OTOF: variants seen among roughly 807,000 people sequenced by gnomAD.
OTOF encodes the protein otoferlin.
A neutral mutation model predicts 236.8 loss-of-function variants in OTOF; 218 were observed. That is an observed-to-expected ratio of 0.92 (90% confidence interval 0.82 to 1.03). OTOF has a LOEUF of 1.03. OTOF is among the 50% of genes least tolerant of loss of function. The probability of loss-of-function intolerance (pLI) is 0.00; values close to 1 mark genes in which losing one functional copy is unlikely to be tolerated. For synonymous variants in OTOF, 1,041 were observed against 1,072.5 expected (o/e 0.97, Z 0.57); for missense variants, 2,590 against 2,694.4 (o/e 0.96, Z 0.86).
intron 9 of OTOF, among the ~76,000 whole-genome samples, chr2:26,493,361 C>T (rs1665894298): frequency 6.6e-6 from 1 of 152,134 alleles, no homozygotes; most frequent in African/African-American, 2.4e-5. Context: ...GCACCTCAGC[C>T]CTCACCCACC....
chr2:26,502,916 T>C (rs1306229941), intron 6 of OTOF, among the ~76,000 whole-genome samples: 2 of 152,230 alleles, frequency 1.3e-5, no homozygotes, highest in African/African-American at 2.4e-5. Context: ...AAACAGCTGA[T>C]GGAATTCAGA....
At chr2:26,528,012 A>C in intron 2 of OTOF, 92 bp from the exon 3 acceptor site, 1 of 886,848 alleles carries the variant, frequency 1.1e-6, no homozygotes, top group Non-Finnish European at 1.9e-6. Context: ...GATCTCCAAC[A>C]GTCAGAGTGG....
intron 40 of OTOF, 74 bp downstream of exon 40, chr2:26,463,890 C>T: frequency 1.9e-6 from 3 of 1,597,624 alleles, no homozygotes; most frequent in Non-Finnish European, 2.6e-6. Context: ...CTGGCTTCTA[C>T]CTTTACTGAC....
chr2:26,550,401 C>G (rs1667431296), intron 1 of OTOF, among the ~76,000 whole-genome samples: 1 of 151,988 alleles, frequency 6.6e-6, no homozygotes, highest in African/African-American at 2.4e-5. Context: ...CTCCTGCACC[C>G]ACAGGCGGTG....
At chr2:26,542,364 G>A (rs777303293) in intron 1 of OTOF, among the ~76,000 whole-genome samples, 35 of 152,160 alleles carry the variant, frequency 2.3e-4, no homozygotes, top group Admixed American at 9.2e-4. Context: ...AAGATCATTC[G>A]AATCTGAACG....
Position 26,476,320 on chromosome 2 carries a change from G to A in OTOF, c.2677-3C>T, listed in dbSNP as rs1228284190. 4 of 1,601,592 alleles carry A rather than the reference G, an allele frequency of 2.5e-6. No homozygotes were observed. In the African/African-American group the frequency reaches 5.3e-5, roughly 21 times the overall value. ...CCGAAGCCCCGCTTCCCTGGCAGCT[G>A]GGGGTGGGCATGGGGTCACCAGGAG... On this transcript the variant is annotated splice_polypyrimidine_tract_variant and splice_region_variant and intron_variant, in intron 22 of 46. Transcript: ENST00000272371.
intron 11 of OTOF, among the ~76,000 whole-genome samples, chr2:26,488,171 T>C (rs1316577956): frequency 1.3e-5 from 2 of 152,232 alleles, no homozygotes; most frequent in Non-Finnish European, 2.9e-5. Context: ...GATCGCCAAT[T>C]TGTTCAACCT....
Position 26,482,434 on chromosome 2 carries a change from C to G in OTOF, c.1551G>C (p.Leu517=), listed in dbSNP as rs780419826. ...DVAIGTHFID[L]RKISNDGDKG... The stretch of plus-strand genomic sequence containing the variant: ...TGTCTCCGTCATTAGAAATCTTGCG[C>G]AGGTCAATGAAGTGGGTGCCGATGG... The change falls in exon 14 of 47, where the codon CTG becomes CTC. Residue 517 remains leucine, a synonymous_variant. Transcript: ENST00000272371. The G allele has an allele frequency of 2.5e-6, 4 of 1,613,234 alleles. No homozygotes were observed. The Admixed American group carries it at 5.0e-5, about 20-fold the overall frequency.
Position 26,473,482 on chromosome 2 carries a change from T to G in OTOF, c.3494A>C (p.Lys1165Thr). 1 of 1,613,166 alleles carries G rather than the reference T, an allele frequency of 6.2e-7. No individual in the cohort carries two copies. Among genetic ancestry groups the G allele is most frequent in the Non-Finnish European group, 8.5e-7 (1 of 1,179,942 alleles). Residue 1165 changes from lysine to threonine, a missense_variant, in exon 28 of 47, where the codon AAG (lysine) becomes ACG (threonine). Physicochemically the swap from Lys to Thr is moderately conservative, Grantham distance 78 (BLOSUM62 -1). This residue lies in a region of OTOF where 1,211 missense variants were observed against 1,352.8 expected (regional missense o/e 0.90). Transcript: ENST00000272371. The surrounding 1 kb of genome is among the most constrained non-coding windows in gnomAD (Gnocchi z 7.2). Reference sequence around the variant, plus strand: ...GTGGATCAGGGACGACTGCACCCCCTTCCCTGCACACTCGATGTCCACCCG... The same window carrying G: ...GTGGATCAGGGACGACTGCACCCCCGTCCCTGCACACTCGATGTCCACCCG... Reference protein sequence around the residue: ...RPRVDIECAGKGVQSSLIHNY... With the variant: ...RPRVDIECAGTGVQSSLIHNY...
chr2:26,484,701 A>G, intron 11 of OTOF, 68 bp from the exon 12 acceptor site: 2 of 1,552,582 alleles, frequency 1.3e-6, no homozygotes, highest in Non-Finnish European at 1.8e-6. Flanking sequence ...TGCTCAGGGC[A>G]GGCCAAGGGG....
At chr2:26,510,758 G>T in intron 5 of OTOF, 1 of 1,288,628 alleles carries the variant, frequency 7.8e-7, no homozygotes, top group Non-Finnish European at 1.0e-6. Context: ...TGCTGAGTAG[G>T]GGGAAGAAAT....
At chr2:26,552,777 A>C (rs1667493710) in intron 1 of OTOF, among the ~76,000 whole-genome samples, 1 of 152,140 alleles carries the variant, frequency 6.6e-6, no homozygotes, top group Non-Finnish European at 1.5e-5. Context: ...CAGGGGGCAT[A>C]TCCGTTAGGA....
At chr2:26,536,553 G>A (rs1667074592) in intron 2 of OTOF, among the ~76,000 whole-genome samples, 1 of 152,134 alleles carries the variant, frequency 6.6e-6, no homozygotes, top group African/African-American at 2.4e-5. Context: ...CCAGCTCTGG[G>A]TCGATGGACA....
chr2:26,493,276 G>A (rs958567073), intron 9 of OTOF, among the ~76,000 whole-genome samples: 5 of 152,168 alleles, frequency 3.3e-5, no homozygotes, highest in African/African-American at 1.2e-4. Flanking sequence ...GTGGGCCTGG[G>A]TTTTCTTCCT....
intron 2 of OTOF, among the ~76,000 whole-genome samples, chr2:26,529,217 G>T (rs941052204): frequency 6.6e-6 from 1 of 152,226 alleles, no homozygotes; most frequent in Non-Finnish European, 1.5e-5. Context: ...CAACGCTGAG[G>T]TCTGCTCAAG....
At position 26,477,825 on chromosome 2, in the gene OTOF, G is replaced by A; in HGVS notation, c.2215-76C>T. 6.3e-7 allele frequency: 1 copy of A among 1,587,008 alleles called. No homozygotes were observed. ...CCTCCCCAAATGCCTCCTCCCTGTT[G>A]ATCAGGGGAGTGAGGGACCTCATGA... On this transcript the variant is annotated intron_variant, in intron 18 of 46. Transcript: ENST00000272371. This position sits in a 1 kb window ranked among gnomAD's most constrained non-coding sequence, Gnocchi z 4.7.
chr2:26,457,860 C>A lies in OTOF; in HGVS notation c.*378G>T. On this transcript the variant is annotated 3_prime_UTR_variant, in exon 47 of 47. Coordinates refer to ENST00000272371, the MANE Select transcript of OTOF (RefSeq NM_194248.3). The surrounding 1 kb of genome is among the most constrained non-coding windows in gnomAD (Gnocchi z 4.4). ...CAGGGGTCAGAGGGGCGGGACTGGG[C>A]AAGCCGCAGCCTGGGGCAGTGAGGA... 1 of 646,174 alleles carries A rather than the reference C, an allele frequency of 1.5e-6. No individual in the cohort carries two copies. The highest frequency in any genetic ancestry group is 2.7e-6 in the Non-Finnish European group (1 of 374,456). The allele number at this position is 646,174 out of a possible 1,614,324, so 40.0% of individuals were successfully genotyped here.
At chr2:26,475,799 G>A (rs1665227720) in intron 24 of OTOF, 115 bp downstream of exon 24, 3 of 1,361,912 alleles carry the variant, frequency 2.2e-6, no homozygotes, top group East Asian at 2.5e-5. Context: ...GGCACTGGCT[G>A]ACCTGTGGCT....
intron 5 of OTOF, among the ~76,000 whole-genome samples, chr2:26,504,927 T>A (rs1192913675): frequency 6.6e-6 from 1 of 152,172 alleles, no homozygotes; most frequent in East Asian, 1.9e-4. Context: ...TCCACCCTTT[T>A]TGGGTCACAC....
Sources: allele counts gnomAD v4.1 joint callset (sites outside exome capture counted in the v4.1 genomes callset), GRCh38; gene constraint gnomAD v4.1.1; regional missense constraint gnomAD v4.1.1; non-coding constraint Gnocchi (gnomAD v3.1); transcripts MANE v1.5; gene names NCBI Gene and HGNC (gene_info 2026-07-23, HGNC 2026-07-21).